The following DIAPH3 variants were observed in gnomAD, a reference collection of about 807,000 sequenced individuals.
The protein encoded by DIAPH3 is diaphanous related formin 3.
DIAPH3 carries 117 observed loss-of-function variants against 144.3 expected under a neutral mutation model. The observed-to-expected ratio is 0.81, with a 90% CI of 0.70 to 0.95. DIAPH3 has a LOEUF of 0.95. Ranked by LOEUF, DIAPH3 falls within the 40% of genes least tolerant of loss-of-function variation. DIAPH3 has a pLI of 0.00. For synonymous variants in DIAPH3, 519 were observed against 488.9 expected, an observed-to-expected ratio of 1.06 and a Z score of -0.81; for missense variants, 1,421 against 1,412.7, an observed-to-expected ratio of 1.01 and a Z score of -0.09.
intron 4 of DIAPH3, among the ~76,000 whole-genome samples, chr13:60,047,863 T>C (rs1267223322): frequency 6.6e-6 from 1 of 152,186 alleles, no homozygotes; most frequent in Non-Finnish European, 1.5e-5. Flanking sequence ...GCAATACAGT[T>C]AAGAACTGTA....
In DIAPH3 at chr13:59,716,572, C is replaced by T. The variant is rs559705296; in HGVS notation, c.3320-49726G>A. Among the ~76,000 whole-genome samples the T allele has an allele frequency of 1.1e-3, 160 of 152,338 alleles. No homozygotes were observed. The Middle Eastern group carries it at 0.02, about 19-fold the overall frequency. ...GAGACATGCTCTGTGCCAGGCAATA[C>T]ACTAAACCCTTCATATGCTGAATAG... On this transcript the variant is annotated intron_variant, in intron 27 of 27. Coordinates refer to ENST00000400324, the MANE Select transcript of DIAPH3 (RefSeq NM_001042517.2).
At chr13:59,738,003 C>A (rs2036246779) in intron 27 of DIAPH3, among the ~76,000 whole-genome samples, 1 of 151,874 alleles carries the variant, frequency 6.6e-6, no homozygotes, top group South Asian at 2.1e-4. Context: ...TCTGTCTTTA[C>A]TAAAAATACA....
rs756938496 is a variant in DIAPH3, at chr13:59,879,371, G to A, written c.2465C>T (p.Ala822Val). 2.5e-6 allele frequency: 4 copies of A among 1,613,892 alleles called. No homozygotes were observed. The highest frequency in any genetic ancestry group is 2.2e-5 in the East Asian group (1 of 44,864). The change falls in exon 21 of 28, where the codon GCT becomes GTT. Residue 822 changes from alanine to valine, a missense_variant. Transcript: ENST00000400324. ...QVNNIKPDIM[A>V]VSTACEEIKK... The stretch of plus-strand genomic sequence containing the variant: ...TATCTCTTCGCAGGCAGTACTGACA[G>A]CCATGATGTCAGGTTTGATGTTGTT...
chr13:60,065,404 T>C (rs907965969), intron 4 of DIAPH3, among the ~76,000 whole-genome samples: 1 of 152,148 alleles, frequency 6.6e-6, no homozygotes, highest in Non-Finnish European at 1.5e-5. Flanking sequence ...TGATCTTATG[T>C]TGCACTTACT....
At position 59,757,635 on chromosome 13, in the gene DIAPH3, C is replaced by A. The variant is rs548280987; in HGVS notation, c.3319+16554G>T. 4.6e-5 allele frequency among the ~76,000 whole-genome samples: 7 copies of A among 152,086 alleles called. No homozygotes were observed. In the East Asian group the frequency reaches 1.4e-3, roughly 29 times the overall value. On this transcript the variant is annotated intron_variant, in intron 27 of 27. Coordinates refer to ENST00000400324, the MANE Select transcript of DIAPH3 (RefSeq NM_001042517.2). ...TAGGTTGGTCTCGATCTCCTGACCTCGTGATCCGCCCACCTCGGCCTCCCA... is the reference window on the plus strand; with the variant it reads ...TAGGTTGGTCTCGATCTCCTGACCTAGTGATCCGCCCACCTCGGCCTCCCA...
At chr13:59,952,148 G>T (rs189387728) in intron 17 of DIAPH3, among the ~76,000 whole-genome samples, 2 of 151,986 alleles carry the variant, frequency 1.3e-5, no homozygotes, top group African/African-American at 4.8e-5. Flanking sequence ...AGCCAGATAC[G>T]GTAAGTCACA....
chr13:59,893,880 G>A (rs1169260109), intron 20 of DIAPH3, among the ~76,000 whole-genome samples: 2 of 152,094 alleles, frequency 1.3e-5, no homozygotes, highest in East Asian at 1.9e-4. Context: ...AATGACAAAA[G>A]TGTTTCTCTA....
intron 27 of DIAPH3, among the ~76,000 whole-genome samples, chr13:59,714,211 T>G (rs924756482): frequency 4.4e-4 from 66 of 150,814 alleles, no homozygotes; most frequent in African/African-American, 6.6e-4. Context: ...ATACAAAAAA[T>G]TAGCCGGGCG....
In DIAPH3 at chr13:59,666,636, T is replaced by G. The variant is rs1309315145; in HGVS notation, c.3530A>C (p.Asn1177Thr). 1.9e-6 allele frequency: 3 copies of G among 1,614,032 alleles called. No homozygotes were observed. Among genetic ancestry groups the G allele is most frequent in the East Asian group, 2.2e-5 (1 of 44,890 alleles). ...GGCTTCAACTTCGGGAACTGATTCA[T>G]TTTTAGAAAAAGAGCCAAGAAGTTC... is the stretch of plus-strand genomic sequence containing the variant. ...ETELLGSFSK[N>T]ESVPEVEALL... Residue 1177 changes from asparagine (N) to threonine (T), a missense_variant, in exon 28 of 28, where the codon AAT (asparagine) becomes ACT (threonine). Asn to Thr is a moderately conservative substitution (Grantham distance 65). Coordinates refer to ENST00000400324, the MANE Select transcript of DIAPH3 (RefSeq NM_001042517.2).
At chr13:59,948,344 T>C (rs2048908585) in intron 17 of DIAPH3, among the ~76,000 whole-genome samples, 1 of 152,232 alleles carries the variant, frequency 6.6e-6, no homozygotes, top group Admixed American at 6.5e-5. Context: ...GACATAGCAT[T>C]TATACTTCCA....
chr13:59,807,114 T>C (rs1778990961), intron 25 of DIAPH3, among the ~76,000 whole-genome samples: 2 of 151,930 alleles, frequency 1.3e-5, no homozygotes, highest in Admixed American at 1.3e-4. Flanking sequence ...ATATATTTGT[T>C]ATATGGTTAT....
intron 14 of DIAPH3, among the ~76,000 whole-genome samples, chr13:59,978,085 C>T (rs1397484630): frequency 6.6e-6 from 1 of 151,660 alleles, no homozygotes; most frequent in East Asian, 1.9e-4. Flanking sequence ...GTCTACCATA[C>T]CAATTGCACA....
At chr13:60,013,030 T>G (rs2053385416) in intron 7 of DIAPH3, 2 of 985,340 alleles carry the variant, frequency 2.0e-6, no homozygotes, top group Non-Finnish European at 1.2e-6. Flanking sequence ...TGACTCTGTG[T>G]GAGAAGTTGT....
At chr13:60,095,532 C>T (rs2058081995) in intron 3 of DIAPH3, among the ~76,000 whole-genome samples, 1 of 151,672 alleles carries the variant, frequency 6.6e-6, no homozygotes, top group African/African-American at 2.4e-5. Context: ...TGTCATGGCG[C>T]TAGTGAGAGT....
chr13:60,078,892 G>A (rs2057458181), intron 4 of DIAPH3, among the ~76,000 whole-genome samples: 1 of 151,896 alleles, frequency 6.6e-6, no homozygotes, highest in Admixed American at 6.6e-5. Flanking sequence ...TAAACTGGGA[G>A]GTTCTACTAA....
chr13:59,868,495 C>G (rs1289202623), intron 21 of DIAPH3, among the ~76,000 whole-genome samples: 1 of 152,108 alleles, frequency 6.6e-6, no homozygotes, highest in African/African-American at 2.4e-5. Flanking sequence ...TACACACACA[C>G]AAATTATCCT....
chr13:59,967,176 C>T (rs755322695), intron 17 of DIAPH3, among the ~76,000 whole-genome samples: 26 of 152,196 alleles, frequency 1.7e-4, no homozygotes, highest in East Asian at 1.9e-4. Context: ...AAGCGATTCT[C>T]ATGCCTCAGC....
intron 10 of DIAPH3, 94 bp from the exon 11 acceptor site, chr13:59,992,280 T>A: frequency 8.8e-7 from 1 of 1,140,896 alleles, no homozygotes; most frequent in Non-Finnish European, 1.3e-6. Flanking sequence ...ACCATTCAAC[T>A]TGATTTATAG....
At chr13:59,870,089 G>A (rs2044164497) in intron 21 of DIAPH3, among the ~76,000 whole-genome samples, 1 of 151,056 alleles carries the variant, frequency 6.6e-6, no homozygotes, top group African/African-American at 2.4e-5. Context: ...TCTATAAAAT[G>A]TATAGTCTTG....
Sources: gnomAD v4.1 joint callset for allele counts (sites outside exome capture counted in the v4.1 genomes callset) on GRCh38, gnomAD v4.1.1 for gene constraint, MANE v1.5 for transcripts, NCBI Gene and HGNC (gene_info 2026-07-23, HGNC 2026-07-21) for gene names.